Variants in COL16A1 observed in about 807,000 individuals in gnomAD.
COL16A1 encodes the protein collagen alpha-1(XVI) chain.
A neutral mutation model predicts 266.3 loss-of-function variants in COL16A1; 189 were observed. The ratio of observed to expected loss-of-function variants is 0.71; its 90% confidence interval spans 0.63 to 0.80. The LOEUF is 0.80. Among genes scored for constraint, COL16A1 ranks in the 30% least tolerant of loss-of-function variants. COL16A1 has a pLI of 0.00. For missense variants in COL16A1, 1,928 were observed against 2,122.4 expected (o/e 0.91, Z 1.80); for synonymous variants, 740 against 782.3 (o/e 0.95, Z 0.90).
intron 27 of COL16A1, 35 bp downstream of exon 27, chr1:31,686,209 C>T (rs1259564796): frequency 1.2e-6 from 2 of 1,614,216 alleles, no homozygotes; most frequent in Admixed American, 1.7e-5. Context: ...CCACCTTGTC[C>T]TCTCCCAAGC....
At position 31,702,290 on chromosome 1, in the gene COL16A1, G is replaced by A. The variant is rs549503992; in HGVS notation, c.-34-63C>T. ...TTCACACAGCACAACTCCACACGTG[G>A]GCAAGTCGTGGACAGCCTGTGGGGC... On this transcript the variant is annotated intron_variant, in intron 1 of 70. Transcript: ENST00000373672. 6 of 1,548,942 alleles carry A rather than the reference G, an allele frequency of 3.9e-6. No homozygotes were observed. The East Asian group carries it at 1.4e-4, about 36-fold the overall frequency.
intron 20 of COL16A1, among the ~76,000 whole-genome samples, 165 bp from the exon 21 acceptor site, chr1:31,690,738 C>T (rs1644226748): frequency 6.6e-6 from 1 of 152,146 alleles, no homozygotes; most frequent in African/African-American, 2.4e-5. Flanking sequence ...CCCTCCGTGT[C>T]TAACCCAAGC....
Position 31,664,798 on chromosome 1 carries a change from C to T in COL16A1, c.3555+374G>A. 6.6e-6 allele frequency among the ~76,000 whole-genome samples: 1 copy of T among 152,132 alleles called. No individual in the cohort carries two copies. The highest frequency in any genetic ancestry group is 1.9e-4 in the East Asian group (1 of 5,176). ...GACGTGCTTCCCCCTTCTCTCAGCTCCTCGCTCATCCTCCCGCCCAGGAGA... is the reference window on the plus strand; with the variant it reads ...GACGTGCTTCCCCCTTCTCTCAGCTTCTCGCTCATCCTCCCGCCCAGGAGA... On this transcript the variant is annotated intron_variant, in intron 56 of 70. Transcript: ENST00000373672. The surrounding 1 kb of genome is among the most constrained non-coding windows in gnomAD (Gnocchi z 5.5).
chr1:31,691,058 G>A (rs1247000315), intron 20 of COL16A1, 130 bp downstream of exon 20: 7 of 1,437,734 alleles, frequency 4.9e-6, no homozygotes, highest in Non-Finnish European at 6.6e-6. Context: ...GCCGAGCCCA[G>A]CCTCCTCCTC....
Position 31,652,580 on chromosome 1 carries a change from G to A in COL16A1, c.*71C>T. On this transcript the variant is annotated 3_prime_UTR_variant, in exon 71 of 71. Transcript: ENST00000373672. This position sits in a 1 kb window ranked among gnomAD's most constrained non-coding sequence, Gnocchi z 4.8. ...ACAACAAAAAAAACATTCACAACCT[G>A]TCACAGAGTCCTATAAGCTTTGGCC... is the stretch of plus-strand genomic sequence containing the variant. The A allele has an allele frequency of 3.6e-6, 5 of 1,391,038 alleles. No homozygotes were observed. Among genetic ancestry groups the A allele is most frequent in the Non-Finnish European group, 4.7e-6 (5 of 1,056,200 alleles). The allele number at this position is 1,391,038 out of a possible 1,614,324, so 86.2% of individuals were successfully genotyped here.
At chr1:31,701,398 A>G (rs1644719266) in intron 2 of COL16A1, 2 of 985,312 alleles carry the variant, frequency 2.0e-6, no homozygotes, top group African/African-American at 3.5e-5. Flanking sequence ...CTGGGTCCAC[A>G]ATCCCTTTCA....
chr1:31,689,033 G>A lies in COL16A1; in HGVS notation c.1656+17C>T, dbSNP rs376904467. ...GGTAGGCAGAGGAGGGCAGCCAGGA[G>A]AGCAGGGTTCCCTCACCTTCTCTCC... On this transcript the variant is annotated intron_variant, in intron 24 of 70. Transcript: ENST00000373672. 3 of 1,613,836 alleles carry A rather than the reference G, an allele frequency of 1.9e-6. No homozygotes were observed. Among genetic ancestry groups the A allele is most frequent in the African/African-American group, 2.7e-5 (2 of 74,912 alleles).
intron 11 of COL16A1, 94 bp from the exon 12 acceptor site, chr1:31,694,264 A>T: frequency 9.6e-7 from 1 of 1,044,022 alleles, no homozygotes; most frequent in Middle Eastern, 2.2e-4. Context: ...GTCACACAGC[A>T]TGGTAGCAGG....
intron 62 of COL16A1, among the ~76,000 whole-genome samples, chr1:31,660,341 C>T (rs896616162): frequency 6.6e-6 from 1 of 152,216 alleles, no homozygotes; most frequent in East Asian, 1.9e-4. Context: ...CCTGGCATGG[C>T]ACAGGGGCTC....
At position 31,685,660 on chromosome 1, in the gene COL16A1, G is replaced by A. The variant is rs374514328; in HGVS notation, c.1995C>T (p.Gly665=). The change falls in exon 29 of 71, where the codon GGC becomes GGT. Residue 665 remains glycine (G), a synonymous_variant. Transcript: ENST00000373672. This position sits in a 1 kb window ranked among gnomAD's most constrained non-coding sequence, Gnocchi z 4.0. The part of the protein sequence containing the change: ...SGEKGEPGPP[G]FGLPGKQGKA... ...TCACCTGTTTTCCTGGCAAGCCAAA[G>A]CCTGGAGGCCCAGGTTCCCCCTTCT... is the stretch of plus-strand genomic sequence containing the variant. The A allele has an allele frequency of 1.7e-5, 27 of 1,613,800 alleles. No individual in the cohort carries two copies. In the African/African-American group the frequency reaches 2.8e-4, roughly 17 times the overall value.
At chr1:31,696,170 T>C in intron 8 of COL16A1, 29 bp from the exon 9 acceptor site, 1 of 1,609,486 alleles carries the variant, frequency 6.2e-7, no homozygotes, top group South Asian at 1.1e-5. Context: ...GAGAAACCCT[T>C]GAGGAGGGGG....
At chr1:31,661,358 G>A in intron 60 of COL16A1, 56 bp downstream of exon 60, 1 of 1,613,028 alleles carries the variant, frequency 6.2e-7, no homozygotes, top group Non-Finnish European at 8.5e-7. Context: ...TATGCCTGGG[G>A]GCAAGCCTTC....
rs1644250905 is a variant in COL16A1 at position 31,691,236 on chromosome 1, G to C, written c.1399-10C>G. 2 of 1,613,708 alleles carry C rather than the reference G, an allele frequency of 1.2e-6. No individual in the cohort carries two copies. Among genetic ancestry groups the C allele is most frequent in the Non-Finnish European group, 1.7e-6 (2 of 1,179,878 alleles). On this transcript the variant is annotated splice_polypyrimidine_tract_variant and intron_variant, in intron 19 of 70. Coordinates refer to ENST00000373672, the MANE Select transcript of COL16A1 (RefSeq NM_001856.4). Reference sequence around the variant, plus strand: ...GGCCACCTGGATCCCCCTGAGGGCAGAAACAGAGTCACGTGGAAGTTTCCA... The same window carrying C: ...GGCCACCTGGATCCCCCTGAGGGCACAAACAGAGTCACGTGGAAGTTTCCA...
At position 31,685,544 on chromosome 1, in the gene COL16A1, C is replaced by T. The variant is rs1471194396; in HGVS notation, c.2016+95G>A. On this transcript the variant is annotated intron_variant, in intron 29 of 70. Coordinates refer to ENST00000373672, the MANE Select transcript of COL16A1 (RefSeq NM_001856.4). This position sits in a 1 kb window ranked among gnomAD's most constrained non-coding sequence, Gnocchi z 4.0. ...ACACCCTCCCCACTACCCCCAACTG[C>T]CCAGGGAGTCAAGAGACCCAGGCAG... 6.9e-7 allele frequency: 1 copy of T among 1,441,924 alleles called. No individual in the cohort carries two copies. Among genetic ancestry groups the T allele is most frequent in the Non-Finnish European group, 9.4e-7 (1 of 1,060,738 alleles). 89.3% of individuals were successfully genotyped at this position (1,441,924 alleles called of 1,614,324 possible). A position where few individuals can be genotyped will look rare whatever the true frequency, so the allele number is the denominator to read the frequency against.
rs2292992 is a variant in COL16A1, at chr1:31,675,123, G to A, written c.2827-84C>T. 3.8e-4 allele frequency: 613 copies of A among 1,610,158 alleles called. 3 individuals are homozygous for A. The East Asian group carries it at 0.013, about 34-fold the overall frequency. ...GGGATCAGGGAGAGCCTTGGGACAC[G>A]TCATGCACCTTCCAGCCTCAGAAGT... On this transcript the variant is annotated intron_variant, in intron 43 of 70. Coordinates refer to ENST00000373672, the MANE Select transcript of COL16A1 (RefSeq NM_001856.4).
In COL16A1 at chr1:31,662,674, G is replaced by GGGGGC; in HGVS notation, c.3556-17_3556-16insGCCCC. The GGGGGC allele has an allele frequency of 1.6e-6, 2 of 1,263,604 alleles. No individual in the cohort carries two copies. The highest frequency in any genetic ancestry group is 2.1e-6 in the Non-Finnish European group (2 of 960,612). The allele number at this position is 1,263,604 out of a possible 1,614,324, so 78.3% of individuals were successfully genotyped here. On this transcript the variant is annotated splice_polypyrimidine_tract_variant and intron_variant, in intron 56 of 70. Transcript: ENST00000373672. The stretch of plus-strand genomic sequence containing the variant: ...CTTCGCTGCCCTGGAAACCAGCGCC[G>GGGGGC]CCCCCCCCCCCCGCCCCACAATAAA...
rs1045902062 is a variant in COL16A1 at position 31,670,021 on chromosome 1, C to G, written c.3195+581G>C. On this transcript the variant is annotated intron_variant, in intron 49 of 70. Transcript: ENST00000373672. The surrounding 1 kb of genome is among the most constrained non-coding windows in gnomAD (Gnocchi z 4.5). Reference sequence around the variant, plus strand: ...GTTTCCTCTAGGACGACGGAAAAGGCGCAGGAAGGGCTGCCTTTAAATCCC... The same window carrying G: ...GTTTCCTCTAGGACGACGGAAAAGGGGCAGGAAGGGCTGCCTTTAAATCCC... 6.6e-6 allele frequency: 1 copy of G among 152,386 alleles called. No homozygotes were observed. Among genetic ancestry groups the G allele is most frequent in the African/African-American group, 2.4e-5 (1 of 41,450 alleles). 9.4% of individuals were successfully genotyped at this position (152,386 alleles called of 1,614,324 possible). A position where few individuals can be genotyped will look rare whatever the true frequency, so the allele number is the denominator to read the frequency against.
intron 29 of COL16A1, 59 bp from the exon 30 acceptor site, chr1:31,684,915 G>A (rs1245158973): frequency 7.5e-6 from 12 of 1,610,260 alleles, no homozygotes; most frequent in Non-Finnish European, 8.5e-6. Flanking sequence ...AAAGTGCCCG[G>A]CACCACATCA....
chr1:31,689,185 G>A lies in COL16A1; in HGVS notation c.1621-100C>T, dbSNP rs58181200. The A allele has an allele frequency of 3.5e-3, 5,481 of 1,576,594 alleles. 167 individuals carry two copies. The African/African-American group carries it at 0.063, about 18-fold the overall frequency. On this transcript the variant is annotated intron_variant, in intron 23 of 70. Transcript: ENST00000373672. The stretch of plus-strand genomic sequence containing the variant: ...GACAGCAATGTCACACACGCAAACC[G>A]TCCAAACACCTAGGGGTCCCATGGG...
Sources: allele counts gnomAD v4.1 joint callset (sites outside exome capture counted in the v4.1 genomes callset), GRCh38; gene constraint gnomAD v4.1.1; non-coding constraint Gnocchi (gnomAD v3.1); transcripts MANE v1.5; gene names NCBI Gene and HGNC (gene_info 2026-07-23, HGNC 2026-07-21).